CA10: variants seen among roughly 807,000 people sequenced by gnomAD.
The protein encoded by CA10 is carbonic anhydrase 10 (inactive).
In CA10, 14 loss-of-function variants were observed where a neutral mutation model predicts 44.2. The observed-to-expected ratio is 0.32, with a 90% CI of 0.21 to 0.50. The LOEUF is 0.50. CA10 is among the 20% of genes least tolerant of loss of function. The pLI is 0.99. For synonymous variants in CA10, 159 were observed against 141.6 expected (o/e 1.12, Z -0.87); for missense variants, 350 against 409.7 (o/e 0.85, Z 1.26).
At chr17:51,783,707 C>A (rs1906145272) in intron 3 of CA10, among the ~76,000 whole-genome samples, 1 of 152,122 alleles carries the variant, frequency 6.6e-6, no homozygotes, top group Admixed American at 6.5e-5. Flanking sequence ...AAGGGGGGTC[C>A]TTTTCCTTGG....
chr17:51,657,146 T>A (rs945339633), intron 4 of CA10, among the ~76,000 whole-genome samples: 4 of 152,200 alleles, frequency 2.6e-5, no homozygotes, highest in Admixed American at 2.6e-4. Flanking sequence ...TATGTTTGTG[T>A]GCTGAAGAGG....
At position 51,906,370 on chromosome 17, in the gene CA10, A is replaced by C. The variant is rs545767422; in HGVS notation, c.279+24620T>G. On this transcript the variant is annotated intron_variant, in intron 3 of 8. Transcript: ENST00000451037. The stretch of plus-strand genomic sequence containing the variant: ...AGCTAATTGCTCTCTCCAGGAAAAA[A>C]CTTTGTTCTTCTTTTGGCTTTTATG... 5.3e-5 allele frequency among the ~76,000 whole-genome samples: 8 copies of C among 151,936 alleles called. No homozygotes were observed. In the East Asian group the frequency reaches 1.6e-3, roughly 29 times the overall value.
intron 3 of CA10, among the ~76,000 whole-genome samples, chr17:51,832,369 T>G (rs952730998): frequency 4.6e-5 from 7 of 152,176 alleles, no homozygotes; most frequent in African/African-American, 1.7e-4. Context: ...CCGGTAATTT[T>G]AGAATAGAGG....
intron 4 of CA10, among the ~76,000 whole-genome samples, chr17:51,679,355 G>A (rs922545329): frequency 1.3e-5 from 2 of 151,640 alleles, no homozygotes; most frequent in African/African-American, 4.8e-5. Context: ...CGCCTCCCGG[G>A]TTCACACCAT....
At chr17:51,825,425 T>C (rs1907971989) in intron 3 of CA10, among the ~76,000 whole-genome samples, 1 of 152,082 alleles carries the variant, frequency 6.6e-6, no homozygotes, top group Non-Finnish European at 1.5e-5. Flanking sequence ...TGTAATCCCA[T>C]AAGAACCCTA....
intron 3 of CA10, among the ~76,000 whole-genome samples, chr17:51,760,020 T>C (rs1905176409): frequency 6.6e-6 from 1 of 152,202 alleles, no homozygotes; most frequent in Admixed American, 6.5e-5. Flanking sequence ...TAGTTTAATG[T>C]CATTTAATTC....
chr17:52,044,957 A>G (rs1051392193), intron 2 of CA10, among the ~76,000 whole-genome samples: 1 of 151,854 alleles, frequency 6.6e-6, no homozygotes, highest in Non-Finnish European at 1.5e-5. Context: ...AGACCTATAA[A>G]TCCAAGAAGC....
intron 1 of CA10, among the ~76,000 whole-genome samples, chr17:52,086,323 A>G (rs1185894776): frequency 1.3e-5 from 2 of 152,220 alleles, no homozygotes; most frequent in Non-Finnish European, 2.9e-5. Context: ...TGATTGGCAT[A>G]TAGCTCTCCA....
chr17:51,634,040 T>C (rs1912714914), intron 7 of CA10, among the ~76,000 whole-genome samples: 1 of 152,246 alleles, frequency 6.6e-6, no homozygotes, highest in African/African-American at 2.4e-5. Flanking sequence ...GATTGGTCCA[T>C]GGGTCAGAGC....
intron 2 of CA10, among the ~76,000 whole-genome samples, chr17:51,949,819 G>T (rs1983416537): frequency 6.6e-6 from 1 of 152,168 alleles, no homozygotes; most frequent in Middle Eastern, 3.4e-3. Context: ...AGAGCTTTGT[G>T]GCCCCTGTGC....
intron 2 of CA10, among the ~76,000 whole-genome samples, chr17:51,957,782 C>T (rs1010063995): frequency 1.3e-5 from 2 of 152,290 alleles, no homozygotes; most frequent in Non-Finnish European, 1.5e-5. Flanking sequence ...CATTTGCAAG[C>T]CTCCAAGCCT....
At chr17:51,957,413 C>A (rs1983707098) in intron 2 of CA10, among the ~76,000 whole-genome samples, 1 of 151,948 alleles carries the variant, frequency 6.6e-6, no homozygotes, top group African/African-American at 2.4e-5. Flanking sequence ...TTACTTGCTA[C>A]TCCCTGAATA....
chr17:51,923,255 T>C (rs1982301143), intron 3 of CA10, among the ~76,000 whole-genome samples: 1 of 152,166 alleles, frequency 6.6e-6, no homozygotes, highest in Non-Finnish European at 1.5e-5. Flanking sequence ...TCGACCTTTT[T>C]GTTTTCTTTC....
intron 3 of CA10, among the ~76,000 whole-genome samples, chr17:51,803,273 G>T (rs1276594437): frequency 6.6e-6 from 1 of 152,168 alleles, no homozygotes; most frequent in Non-Finnish European, 1.5e-5. Flanking sequence ...TAGCAGAAGT[G>T]GCCCTACCTT....
intron 2 of CA10, among the ~76,000 whole-genome samples, chr17:52,022,830 C>A (rs180988616): frequency 4.0e-4 from 60 of 151,824 alleles, no homozygotes; most frequent in African/African-American, 1.4e-3. Flanking sequence ...AACCTGAGAG[C>A]CAAATTAAGA....
chr17:52,055,674 G>GT (rs1567717900), intron 2 of CA10, among the ~76,000 whole-genome samples: 1 of 151,980 alleles, frequency 6.6e-6, no homozygotes, highest in Non-Finnish European at 1.5e-5. Context: ...TACTGATACC[G>GT]TTTCAGACAG....
intron 2 of CA10, among the ~76,000 whole-genome samples, chr17:51,988,493 G>T (rs1320620771): frequency 1.3e-5 from 2 of 151,948 alleles, no homozygotes; most frequent in Admixed American, 6.6e-5. Context: ...AACAGTGGTT[G>T]TTTTGGTGTG....
At chr17:51,917,461 TA>T (rs1982050095) in intron 3 of CA10, among the ~76,000 whole-genome samples, 1 of 136,472 alleles carries the variant, frequency 7.3e-6, no homozygotes. Context: ...CTTGCATTGT[TA>T]TACAGAAATA....
At chr17:52,060,625 T>A (rs1987356497) in intron 2 of CA10, among the ~76,000 whole-genome samples, 1 of 152,180 alleles carries the variant, frequency 6.6e-6, no homozygotes, top group South Asian at 2.1e-4. Context: ...ATAAATGATA[T>A]CCAAATGCTA....
Sources: gnomAD v4.1 joint callset for allele counts (sites outside exome capture counted in the v4.1 genomes callset) on GRCh38, gnomAD v4.1.1 for gene constraint, MANE v1.5 for transcripts, NCBI Gene and HGNC (gene_info 2026-07-23, HGNC 2026-07-21) for gene names.